MARCHF8: variants seen among roughly 807,000 people sequenced by gnomAD.
The protein encoded by MARCHF8 is E3 ubiquitin-protein ligase MARCHF8.
Under a neutral mutation model 51.6 loss-of-function variants are expected in MARCHF8, and 40 were observed. That is an observed-to-expected ratio of 0.77 (90% confidence interval 0.60 to 1.01). MARCHF8 has a LOEUF of 1.01. Ranked by LOEUF, MARCHF8 falls within the 50% of genes least tolerant of loss-of-function variation. MARCHF8 has a pLI of 0.00. For missense variants in MARCHF8, 685 were observed against 708.6 expected, an observed-to-expected ratio of 0.97 and a Z score of 0.38; for synonymous variants, 263 against 280.3, an observed-to-expected ratio of 0.94 and a Z score of 0.62.
At position 45,456,954 on chromosome 10, in the gene MARCHF8, G is replaced by A. The variant is rs934269581; in HGVS notation, c.*1285C>T. The A allele has an allele frequency of 2.0e-5, 3 of 152,312 alleles. No homozygotes were observed. Among genetic ancestry groups the A allele is most frequent in the African/African-American group, 4.8e-5 (2 of 41,464 alleles). 9.4% of individuals were successfully genotyped at this position (152,312 alleles called of 1,614,324 possible). ...TCAGTCTGGTTAAGGCGACAGCTGG[G>A]CGGGCATGTGGCCGGGGAGCAGTGG... is the stretch of plus-strand genomic sequence containing the variant. On this transcript the variant is annotated 3_prime_UTR_variant, in exon 8 of 8. Coordinates refer to ENST00000453424, the MANE Select transcript of MARCHF8 (RefSeq NM_001282866.2).
rs1842699732 is a variant in MARCHF8, at chr10:45,459,009, C to G, written c.1417+111G>C. ...AGGCTAGTGCCTCCTAACTGATGTC[C>G]CTCCTCCGGAAACCCAGACGTTTTT... is the stretch of plus-strand genomic sequence containing the variant. On this transcript the variant is annotated intron_variant, in intron 7 of 7. Transcript: ENST00000453424. 5.1e-6 allele frequency: 7 copies of G among 1,384,120 alleles called. No individual in the cohort carries two copies. In the East Asian group the frequency reaches 1.4e-4, roughly 28 times the overall value. 85.7% of individuals were successfully genotyped at this position (1,384,120 alleles called of 1,614,324 possible).
intron 2 of MARCHF8, among the ~76,000 whole-genome samples, chr10:45,508,364 C>T (rs964686): frequency 0.34 from 48,753 of 142,674 alleles, 8,075 homozygotes; most frequent in Admixed American, 0.39. Context: ...GTACTGGAAA[C>T]AATTGTGTTT....
At chr10:45,575,112 T>A (rs760224689) in intron 1 of MARCHF8, among the ~76,000 whole-genome samples, 23 of 152,146 alleles carry the variant, frequency 1.5e-4, no homozygotes, top group Admixed American at 2.6e-4. Context: ...CAGATCCCAT[T>A]GCTCAGGACA....
rs1309401413 is a variant in MARCHF8 at position 45,461,298 on chromosome 10, T to C, written c.1202A>G (p.Asp401Gly). The C allele has an allele frequency of 6.2e-7, 1 of 1,605,204 alleles. No homozygotes were observed. Among genetic ancestry groups the C allele is most frequent in the Admixed American group, 1.7e-5 (1 of 58,488 alleles). Residue 401 changes from aspartate to glycine, a missense_variant, in exon 6 of 8, where the codon GAC (aspartate) becomes GGC (glycine). By Grantham distance (94) the Asp-to-Gly change is moderately conservative. Transcript: ENST00000453424. ...CTTGCAGAGCTCGCAGCAGCGCGTGTCGGAGCTCTTGATCCACTGCTGCAG... is the reference window on the plus strand; with the variant it reads ...CTTGCAGAGCTCGCAGCAGCGCGTGCCGGAGCTCTTGATCCACTGCTGCAG... ...ACLQQWIKSS[D>G]TRCCELCKYE...
At chr10:45,507,352 T>C (rs1249624733) in intron 2 of MARCHF8, among the ~76,000 whole-genome samples, 1 of 152,170 alleles carries the variant, frequency 6.6e-6, no homozygotes, top group East Asian at 1.9e-4. Flanking sequence ...GGCTGGGTAA[T>C]TTATAAAGAA....
At chr10:45,562,678 TG>T (rs1309136597) in intron 1 of MARCHF8, among the ~76,000 whole-genome samples, 1 of 152,150 alleles carries the variant, frequency 6.6e-6, no homozygotes, top group Non-Finnish European at 1.5e-5. Flanking sequence ...AAGAATATAC[TG>T]TAGCAAAACA....
intron 2 of MARCHF8, among the ~76,000 whole-genome samples, chr10:45,528,743 C>T (rs1262493912): frequency 3.3e-5 from 5 of 152,026 alleles, no homozygotes; most frequent in African/African-American, 1.2e-4. Context: ...TTTACAATAG[C>T]TACAAAAAAA....
At position 45,463,569 on chromosome 10, in the gene MARCHF8, C is replaced by T. The variant is rs775762528; in HGVS notation, c.670G>A (p.Gly224Ser). ...TCCACCTCTGAGGCAGTTGAGCGAC[C>T]GGCAGAAAGGCATGAAACACAAGAA... ...KHSCVSCLSA[G>S]RSTASEVEAG... is the part of the protein sequence containing the mutation. The change falls in exon 5 of 8, where the codon GGT becomes AGT. Residue 224 changes from glycine (G) to serine (S), a missense_variant. By Grantham distance (56) the Gly-to-Ser change is moderately conservative. Coordinates refer to ENST00000453424, the MANE Select transcript of MARCHF8 (RefSeq NM_001282866.2). 8.8e-5 allele frequency: 136 copies of T among 1,550,480 alleles called. 3 individuals carry two copies. Among genetic ancestry groups the T allele is most frequent in the South Asian group, 8.6e-4 (72 of 84,064 alleles).
At chr10:45,569,556 G>A (rs1218177753) in intron 1 of MARCHF8, among the ~76,000 whole-genome samples, 1 of 152,152 alleles carries the variant, frequency 6.6e-6, no homozygotes, top group African/African-American at 2.4e-5. Context: ...TTGGCCTGCA[G>A]TTTTCTTTTT....
chr10:45,488,384 GCCTGAAGGT>G (rs1035174262), intron 3 of MARCHF8, among the ~76,000 whole-genome samples: 12 of 152,068 alleles, frequency 7.9e-5, no homozygotes, highest in Admixed American at 5.2e-4. Flanking sequence ...CAACCGCAAT[GCCTGAAGGT>G]CCAGCTCTCA....
intron 3 of MARCHF8, among the ~76,000 whole-genome samples, chr10:45,469,864 C>A (rs1157244525): frequency 1.2e-4 from 7 of 57,032 alleles, no homozygotes; most frequent in Non-Finnish European, 1.5e-4. Context: ...GACTCCGTCT[C>A]AAAAAAAAAA....
intron 3 of MARCHF8, among the ~76,000 whole-genome samples, chr10:45,487,658 G>T (rs2043006572): frequency 6.6e-6 from 1 of 152,132 alleles, no homozygotes; most frequent in South Asian, 2.1e-4. Flanking sequence ...TTTTGTGAAA[G>T]GCATTCCTAT....
intron 2 of MARCHF8, among the ~76,000 whole-genome samples, chr10:45,530,119 T>G (rs1019627940): frequency 3.3e-5 from 5 of 152,250 alleles, no homozygotes; most frequent in Non-Finnish European, 7.3e-5. Context: ...GAATTCATGT[T>G]TTTTTGTAGC....
intron 1 of MARCHF8, among the ~76,000 whole-genome samples, chr10:45,562,714 T>C (rs1382365138): frequency 1.3e-5 from 2 of 152,182 alleles, no homozygotes; most frequent in Non-Finnish European, 1.5e-5. Context: ...AATAGAGATC[T>C]GAGATGTCAG....
chr10:45,560,533 TAA>T (rs2044298546), intron 1 of MARCHF8, among the ~76,000 whole-genome samples: 1 of 152,188 alleles, frequency 6.6e-6, no homozygotes, highest in African/African-American at 2.4e-5. Flanking sequence ...CCGTGCTGAA[TAA>T]ATGCCCACAG....
chr10:45,517,172 C>T (rs4949006), intron 2 of MARCHF8, among the ~76,000 whole-genome samples: 95,541 of 152,096 alleles, frequency 0.63, 30,136 homozygotes, highest in Middle Eastern at 0.71. Flanking sequence ...TCCACTAGCA[C>T]TTAACCAAGT....
At chr10:45,577,699 CA>C (rs1295970149) in intron 1 of MARCHF8, among the ~76,000 whole-genome samples, 1 of 152,032 alleles carries the variant, frequency 6.6e-6, no homozygotes, top group African/African-American at 2.4e-5. Context: ...ATAAATTACC[CA>C]GTCTCAGGTA....
chr10:45,588,604 C>G (rs1207324342), intron 1 of MARCHF8, among the ~76,000 whole-genome samples: 1 of 152,104 alleles, frequency 6.6e-6, no homozygotes, highest in Admixed American at 6.5e-5. Context: ...AAATTTTAGC[C>G]ATTTTAAGTA....
At chr10:45,494,980 C>T (rs541186811) in intron 2 of MARCHF8, among the ~76,000 whole-genome samples, 1 of 152,140 alleles carries the variant, frequency 6.6e-6, no homozygotes, top group Non-Finnish European at 1.5e-5. Flanking sequence ...ATTAGCTGGG[C>T]GTGGTGGCAC....
Sources: allele counts gnomAD v4.1 joint callset (sites outside exome capture counted in the v4.1 genomes callset), GRCh38; gene constraint gnomAD v4.1.1; transcripts MANE v1.5; gene names NCBI Gene and HGNC (gene_info 2026-07-23, HGNC 2026-07-21).